OGFOD3: variants seen among roughly 807,000 people sequenced by gnomAD.
OGFOD3 encodes 2-oxoglutarate and iron-dependent oxygenase domain-containing protein 3.
A neutral mutation model predicts 39.8 loss-of-function variants in OGFOD3; 35 were observed. The ratio of observed to expected loss-of-function variants is 0.88; its 90% CI spans 0.67 to 1.17. The LOEUF (loss-of-function observed/expected upper bound fraction) is 1.17. Ranked by LOEUF, OGFOD3 falls within the 50% of genes most tolerant of loss-of-function variation. The pLI is 0.00. For missense variants in OGFOD3, 438 were observed against 454.5 expected (o/e 0.96, Z 0.33); for synonymous variants, 200 against 192.0 (o/e 1.04, Z -0.34).
rs2052576088 is a variant in OGFOD3 at position 82,389,348 on chromosome 17, T to C, written c.*3050A>G. The C allele has an allele frequency of 6.6e-6, 1 of 152,232 alleles. No individual in the cohort carries two copies. Among genetic ancestry groups the C allele is most frequent in the South Asian group, 2.1e-4 (1 of 4,834 alleles). 9.4% of individuals were successfully genotyped at this position (152,232 alleles called of 1,614,324 possible). A position where few individuals can be genotyped will look rare whatever the true frequency, so the allele number is the denominator to read the frequency against. On this transcript the variant is annotated 3_prime_UTR_variant, in exon 9 of 9. Transcript: ENST00000313056. The surrounding 1 kb of genome is among the most constrained non-coding windows in gnomAD (Gnocchi z 4.6). ...CCCTGGAACCTTCTAGCGGAACCAA[T>C]CACCCCTCGTGGCTCCTGGAACAGC...
chr17:82,401,677 A>C (rs1043033186), intron 7 of OGFOD3, among the ~76,000 whole-genome samples: 1 of 151,138 alleles, frequency 6.6e-6, no homozygotes, highest in Admixed American at 6.6e-5. Context: ...AGTGGCACGC[A>C]CCTGTAATCC....
chr17:82,399,059 A>G (rs1037907358), intron 7 of OGFOD3, among the ~76,000 whole-genome samples: 1 of 146,350 alleles, frequency 6.8e-6, no homozygotes, highest in African/African-American at 2.5e-5. Flanking sequence ...CTGGTCTCAA[A>G]CTCCTGGCCC....
chr17:82,416,016 G>A (rs1019505539), intron 1 of OGFOD3, among the ~76,000 whole-genome samples: 1 of 152,008 alleles, frequency 6.6e-6, no homozygotes, highest in African/African-American at 2.4e-5. Flanking sequence ...ATCACCTGAG[G>A]TCAGGGTATC....
In OGFOD3 at chr17:82,398,555, A is replaced by G. The variant is rs557117928; in HGVS notation, c.700-236T>C. Among the ~76,000 whole-genome samples the G allele has an allele frequency of 5.9e-5, 9 of 152,100 alleles. No individual in the cohort carries two copies. The South Asian group carries it at 1.9e-3, about 32-fold the overall frequency. On this transcript the variant is annotated intron_variant, in intron 7 of 8. Coordinates refer to ENST00000313056, the MANE Select transcript of OGFOD3 (RefSeq NM_024648.3). ...GCTGGGGCTACAGGCACCCACCACC[A>G]CACCCAGCTAATTTTGTATTTTTAG... is the stretch of plus-strand genomic sequence containing the variant.
rs544670002 is a variant in OGFOD3, at chr17:82,409,035, G to A, written c.423+333C>T. Among the ~76,000 whole-genome samples the A allele has an allele frequency of 1.6e-4, 25 of 152,320 alleles. No homozygotes were observed. In the East Asian group the frequency reaches 3.3e-3, roughly 20 times the overall value. On this transcript the variant is annotated intron_variant, in intron 4 of 8. Coordinates refer to ENST00000313056, the MANE Select transcript of OGFOD3 (RefSeq NM_024648.3). ...TCTCCTGTGTCCAGCATGCGCAGCC[G>A]TCTCCTCGCTGGGCTCCCACCCCGC...
chr17:82,413,698 C>T (rs2052989341), intron 2 of OGFOD3, among the ~76,000 whole-genome samples: 1 of 151,968 alleles, frequency 6.6e-6, no homozygotes, highest in Admixed American at 6.6e-5. Flanking sequence ...AGGCAAAACA[C>T]CGTCTCTACT....
At chr17:82,397,334 G>T (rs1383837540) in intron 8 of OGFOD3, among the ~76,000 whole-genome samples, 3 of 144,900 alleles carry the variant, frequency 2.1e-5, no homozygotes, top group African/African-American at 7.8e-5. Context: ...AGGGGGTGAG[G>T]GCAGTGTCCT....
intron 8 of OGFOD3, 53 bp downstream of exon 8, chr17:82,398,143 C>G (rs9905077): frequency 0.56 from 894,593 of 1,607,964 alleles, 251,381 homozygotes; most frequent in South Asian, 0.71. Context: ...CCACACCCAC[C>G]GTGCTTGCCT....
chr17:82,418,294 G>GCCCCCCCC (rs563557341), intron 1 of OGFOD3, 118 bp downstream of exon 1: 3 of 90,100 alleles, frequency 3.3e-5, no homozygotes, highest in Admixed American at 1.2e-4. Flanking sequence ...ACGCCCACCT[G>GCCCCCCCC]CCCCCCCCCA....
chr17:82,416,734 G>A (rs112405516), intron 1 of OGFOD3, among the ~76,000 whole-genome samples: 26 of 151,824 alleles, frequency 1.7e-4, no homozygotes, highest in Admixed American at 5.9e-4. Flanking sequence ...GCAATGGCAC[G>A]ATCTTGGCTC....
At chr17:82,413,710 A>C (rs893669449) in intron 2 of OGFOD3, among the ~76,000 whole-genome samples, 13 of 152,040 alleles carry the variant, frequency 8.6e-5, no homozygotes, top group African/African-American at 2.9e-4. Context: ...GTCTCTACTA[A>C]AATTACAAAA....
rs779484518 is a variant in OGFOD3, at chr17:82,406,398, G to A, written c.488+20C>T. ...ACTCGGCTTTCAGAGCCAGCACTGA[G>A]GTCATGCTGCAGCACTCACCTGTAC... On this transcript the variant is annotated intron_variant, in intron 5 of 8. Coordinates refer to ENST00000313056, the MANE Select transcript of OGFOD3 (RefSeq NM_024648.3). The surrounding 1 kb of genome is among the most constrained non-coding windows in gnomAD (Gnocchi z 5.2). The A allele has an allele frequency of 5.0e-6, 8 of 1,612,090 alleles. No individual in the cohort carries two copies. The African/African-American group carries it at 8.0e-5, about 16-fold the overall frequency.
chr17:82,416,790 C>T (rs1253805865), intron 1 of OGFOD3, among the ~76,000 whole-genome samples: 1 of 152,132 alleles, frequency 6.6e-6, no homozygotes, highest in Non-Finnish European at 1.5e-5. Flanking sequence ...CCTGCCCCAG[C>T]CTCCTAAGTA....
In OGFOD3 at chr17:82,392,051, CG is replaced by C. The variant is rs113752942; in HGVS notation, c.*346del. The stretch of plus-strand genomic sequence containing the variant: ...ATGCTTTAGCCAGTCTTTGATGGGC[CG>C]GGGGGTTGCTGAACCTGGACGAGTC... On this transcript the variant is annotated 3_prime_UTR_variant, in exon 9 of 9. Coordinates refer to ENST00000313056, the MANE Select transcript of OGFOD3 (RefSeq NM_024648.3). This position sits in a 1 kb window ranked among gnomAD's most constrained non-coding sequence, Gnocchi z 4.2. The C allele has an allele frequency of 3.0e-5, 9 of 296,416 alleles. No homozygotes were observed. Among genetic ancestry groups the C allele is most frequent in the African/African-American group, 9.0e-5 (4 of 44,354 alleles). 18.4% of individuals were successfully genotyped at this position (296,416 alleles called of 1,614,324 possible). A position where few individuals can be genotyped will look rare whatever the true frequency, so the allele number is the denominator to read the frequency against.
chr17:82,409,687 G>T (rs540459892), intron 3 of OGFOD3, among the ~76,000 whole-genome samples: 3 of 152,300 alleles, frequency 2.0e-5, no homozygotes, highest in African/African-American at 7.2e-5. Flanking sequence ...ACGAGGTCAG[G>T]AGTTCCAGAC....
rs1313340084 is a variant in OGFOD3, at chr17:82,415,337, C to T, written c.304+61G>A. Reference sequence around the variant, plus strand: ...TCCAACCCAATTCCCACCCCTTCGTCGCAGCCAATGTCCTTTAACCACACT... The same window carrying T: ...TCCAACCCAATTCCCACCCCTTCGTTGCAGCCAATGTCCTTTAACCACACT... On this transcript the variant is annotated intron_variant, in intron 2 of 8. Coordinates refer to ENST00000313056, the MANE Select transcript of OGFOD3 (RefSeq NM_024648.3). The surrounding 1 kb of genome is among the most constrained non-coding windows in gnomAD (Gnocchi z 5.3). 42 of 1,511,874 alleles carry T rather than the reference C, an allele frequency of 2.8e-5. No homozygotes were observed. The highest frequency in any genetic ancestry group is 3.7e-5 in the Non-Finnish European group (41 of 1,099,850). The allele number at this position is 1,511,874 out of a possible 1,614,324, so 93.7% of individuals were successfully genotyped here.
intron 8 of OGFOD3, chr17:82,394,570 G>C (rs1264388017): frequency 6.3e-7 from 1 of 1,577,658 alleles, no homozygotes; most frequent in East Asian, 2.2e-5. Flanking sequence ...GGGATTGTGT[G>C]GTAAAGGGTT....
intron 3 of OGFOD3, among the ~76,000 whole-genome samples, chr17:82,410,445 T>A (rs1567873505): frequency 6.6e-6 from 1 of 152,212 alleles, no homozygotes; most frequent in Non-Finnish European, 1.5e-5. Context: ...CTGAGTGGCA[T>A]CCTGTGCTGC....
In OGFOD3 at chr17:82,411,503, C is replaced by T. The variant is rs553693886; in HGVS notation, c.332G>A (p.Gly111Asp). ...CCTGGTGATGACGACATCGGTGACA[C>T]CTCTGCCGCACTTTCGGGGAGTGCA... Reference protein sequence around the residue: ...EGCTPRKCGRGVTDVVITREE... With the variant: ...EGCTPRKCGRDVTDVVITREE... Residue 111 changes from glycine (G) to aspartate (D), a missense_variant, in exon 3 of 9, where the codon GGT (glycine) becomes GAT (aspartate). Transcript: ENST00000313056. 6.2e-7 allele frequency: 1 copy of T among 1,614,188 alleles called. No individual in the cohort carries two copies. Among genetic ancestry groups the T allele is most frequent in the Admixed American group, 1.7e-5 (1 of 60,034 alleles).
Sources: allele counts gnomAD v4.1 joint callset (sites outside exome capture counted in the v4.1 genomes callset), GRCh38; gene constraint gnomAD v4.1.1; non-coding constraint Gnocchi (gnomAD v3.1); transcripts MANE v1.5; gene names NCBI Gene and HGNC (gene_info 2026-07-23, HGNC 2026-07-21).